EYS: variants seen among roughly 807,000 people sequenced by gnomAD.
The protein encoded by EYS is EGF-like photoreceptor maintenance factor, also known as protein eyes shut homolog.
Under a neutral mutation model 282.1 loss-of-function variants are expected in EYS, and 250 were observed. The observed-to-expected ratio is 0.89, with a 90% CI of 0.80 to 0.98. The LOEUF (loss-of-function observed/expected upper bound fraction) is 0.98, where lower values mean the gene tolerates loss of function less well. Ranked by LOEUF, EYS falls within the 50% of genes least tolerant of loss-of-function variation. The pLI is 0.00. For synonymous variants in EYS, 1,355 were observed against 1,282.9 expected (o/e 1.06, Z -1.20); for missense variants, 4,016 against 3,709.0 (o/e 1.08, Z -2.15).
rs1254349117 is a variant in EYS at position 63,788,212 on chromosome 6, C to G, written c.7616G>C (p.Gly2539Ala). The part of the protein sequence containing the change: ...DHKNKSIIAP[G>A]RLVGLNVFSQ... ...GAAGACATTGAGACCAACCAGTCTTCCTGGGGCGATAATGGATTTATTTTT... is the reference window on the plus strand; with the variant it reads ...GAAGACATTGAGACCAACCAGTCTTGCTGGGGCGATAATGGATTTATTTTT... The change falls in exon 39 of 43, where the codon GGA (glycine) becomes GCA (alanine). Residue 2539 changes from glycine to alanine, a missense_variant. Coordinates refer to ENST00000503581, the MANE Select transcript of EYS (RefSeq NM_001142800.2). 1.3e-6 allele frequency: 2 copies of G among 1,543,998 alleles called. No individual in the cohort carries two copies. Among genetic ancestry groups the G allele is most frequent in the South Asian group, 2.5e-5 (2 of 81,540 alleles).
rs71551592 is a variant in EYS, at chr6:64,502,252, G to GT, written c.5645-62901dup. On this transcript the variant is annotated intron_variant, in intron 26 of 42. Coordinates refer to ENST00000503581, the MANE Select transcript of EYS (RefSeq NM_001142800.2). ...TTTTTGTTTTGTTTTGTTTTGTTTT[G>GT]TTTTTTTTGCCGGAGTCTCCCTCTG... Among the ~76,000 whole-genome samples the GT allele has an allele frequency of 2.8e-3, 422 of 150,998 alleles. 2 individuals carry two copies. The highest frequency in any genetic ancestry group is 9.9e-3 in the African/African-American group (405 of 41,108).
chr6:64,302,164 A>G (rs1025879485), intron 30 of EYS, among the ~76,000 whole-genome samples: 7 of 152,162 alleles, frequency 4.6e-5, no homozygotes, highest in Non-Finnish European at 7.3e-5. Flanking sequence ...CCAGACCTTC[A>G]GGTTGTGACG....
In EYS at chr6:65,095,942, G is replaced by A. The variant is rs140015256; in HGVS notation, c.2024-38215C>T. Among the ~76,000 whole-genome samples the A allele has an allele frequency of 2.5e-4, 38 of 151,002 alleles. No homozygotes were observed. In the East Asian group the frequency reaches 6.8e-3, roughly 27 times the overall value. On this transcript the variant is annotated intron_variant, in intron 12 of 42. Coordinates refer to ENST00000503581, the MANE Select transcript of EYS (RefSeq NM_001142800.2). ...ATTCAACATAGTACTAAATGTTCTA[G>A]CCAGAACAATTAGACAAGAAAATAA...
chr6:64,305,907 T>C (rs750633862), intron 30 of EYS, among the ~76,000 whole-genome samples: 19 of 151,932 alleles, frequency 1.3e-4, no homozygotes, highest in Non-Finnish European at 2.5e-4. Flanking sequence ...TAAAAAGAAA[T>C]TGTGCATCAA....
intron 1 of EYS, among the ~76,000 whole-genome samples, chr6:65,663,836 A>G (rs1249281345): frequency 7.2e-6 from 1 of 138,834 alleles, no homozygotes; most frequent in Non-Finnish European, 1.5e-5. Flanking sequence ...GCCCGCCACC[A>G]CGCCCAGCTA....
Position 65,057,628 on chromosome 6 carries a change from A to G in EYS, c.2123T>C (p.Val708Ala), listed in dbSNP as rs1773455091. 6.5e-7 allele frequency: 1 copy of G among 1,548,052 alleles called. No homozygotes were observed. Among genetic ancestry groups the G allele is most frequent in the African/African-American group, 1.4e-5 (1 of 72,928 alleles). ...GTGTTCATTACCTTTAAATGGAGGC[A>G]CACACTGGCAGAAGTAATTACCAGG... ...DQPGNYFCQC[V>A]PPFKVVDGFS... The change falls in exon 13 of 43, where the codon GTG (valine) becomes GCG (alanine). Residue 708 changes from valine (V) to alanine (A), a missense_variant. Val to Ala is a moderately conservative substitution (Grantham distance 64). Coordinates refer to ENST00000503581, the MANE Select transcript of EYS (RefSeq NM_001142800.2).
intron 2 of EYS, among the ~76,000 whole-genome samples, chr6:65,609,421 A>G (rs941166611): frequency 6.6e-6 from 1 of 152,094 alleles, no homozygotes; most frequent in Non-Finnish European, 1.5e-5. Flanking sequence ...AAAATAGAGA[A>G]TGTACCCTTG....
intron 27 of EYS, among the ~76,000 whole-genome samples, chr6:64,437,332 C>A (rs1256250613): frequency 6.6e-6 from 1 of 151,524 alleles, no homozygotes; most frequent in African/African-American, 2.4e-5. Flanking sequence ...TATTTAGGAA[C>A]CATAAAACTA....
chr6:63,991,834 G>A (rs1192174021), intron 34 of EYS, among the ~76,000 whole-genome samples: 1 of 151,640 alleles, frequency 6.6e-6, no homozygotes. Context: ...TTTAAAAGAT[G>A]CACAAAAAAG....
chr6:65,188,368 T>C (rs1409259836), intron 12 of EYS, among the ~76,000 whole-genome samples: 1 of 151,726 alleles, frequency 6.6e-6, no homozygotes, highest in Admixed American at 6.6e-5. Context: ...AATATTAGCA[T>C]TAAAAGTGGT....
At chr6:65,056,867 G>T (rs1265365684) in intron 13 of EYS, among the ~76,000 whole-genome samples, 1 of 151,738 alleles carries the variant, frequency 6.6e-6, no homozygotes, top group East Asian at 1.9e-4. Flanking sequence ...TATTCTTATT[G>T]TCATTTAACA....
At chr6:65,666,276 C>T (rs530464046) in intron 1 of EYS, among the ~76,000 whole-genome samples, 1 of 151,794 alleles carries the variant, frequency 6.6e-6, no homozygotes, top group East Asian at 1.9e-4. Context: ...TCTATAGACA[C>T]ATTGGCCAAT....
At chr6:64,828,046 T>C (rs1765108894) in intron 19 of EYS, among the ~76,000 whole-genome samples, 1 of 151,900 alleles carries the variant, frequency 6.6e-6, no homozygotes, top group South Asian at 2.1e-4. Context: ...ACTGAATCTA[T>C]GAGGAATATC....
At chr6:64,341,109 T>TG (rs1430267618) in intron 29 of EYS, among the ~76,000 whole-genome samples, 3 of 151,802 alleles carry the variant, frequency 2.0e-5, no homozygotes, top group Non-Finnish European at 4.4e-5. Context: ...TATAAACTGT[T>TG]GGTGGGAATG....
At chr6:64,876,064 A>C (rs1766741681) in intron 19 of EYS, among the ~76,000 whole-genome samples, 1 of 152,072 alleles carries the variant, frequency 6.6e-6, no homozygotes, top group Non-Finnish European at 1.5e-5. Flanking sequence ...AGTGAATAAT[A>C]TAAAAAGTCT....
intron 12 of EYS, among the ~76,000 whole-genome samples, chr6:65,202,181 A>T (rs560352914): frequency 1.3e-5 from 2 of 152,236 alleles, no homozygotes; most frequent in East Asian, 3.9e-4. Context: ...TGAATAATGT[A>T]TCATGCTAAT....
At chr6:64,235,761 G>A (rs1766584472) in intron 30 of EYS, among the ~76,000 whole-genome samples, 1 of 152,100 alleles carries the variant, frequency 6.6e-6, no homozygotes, top group Admixed American at 6.5e-5. Flanking sequence ...GTTGTTTCCT[G>A]ACTTTTTAAT....
intron 19 of EYS, among the ~76,000 whole-genome samples, chr6:64,865,079 T>C (rs1176983602): frequency 6.6e-6 from 1 of 152,166 alleles, no homozygotes; most frequent in Admixed American, 6.5e-5. Context: ...AGATTCTCTA[T>C]AGACCCAACT....
chr6:63,828,226 C>A (rs951097952), intron 36 of EYS, among the ~76,000 whole-genome samples: 7 of 151,966 alleles, frequency 4.6e-5, no homozygotes, highest in East Asian at 1.9e-4. Context: ...AGGAAATAAC[C>A]AACATCAGAT....
Sources: gnomAD v4.1 joint callset for allele counts (sites outside exome capture counted in the v4.1 genomes callset) on GRCh38, gnomAD v4.1.1 for gene constraint, MANE v1.5 for transcripts, NCBI Gene and HGNC (gene_info 2026-07-23, HGNC 2026-07-21) for gene names.